PTPRZ1: variants seen among roughly 807,000 people sequenced by gnomAD.
The protein encoded by PTPRZ1 is protein tyrosine phosphatase receptor type Z1, also known as receptor-type tyrosine-protein phosphatase zeta.
Under a neutral mutation model 214.1 loss-of-function variants are expected in PTPRZ1, and 82 were observed. The observed-to-expected ratio is 0.38, with a 90% CI of 0.32 to 0.46. The LOEUF (loss-of-function observed/expected upper bound fraction) is 0.46, where lower values mean the gene tolerates loss of function less well. PTPRZ1 is among the 20% of genes least tolerant of loss of function. The probability of loss-of-function intolerance (pLI) is 1.00; values close to 1 mark genes in which losing one functional copy is unlikely to be tolerated. For synonymous variants in PTPRZ1, 945 were observed against 987.9 expected (o/e 0.96, Z 0.81); for missense variants, 2,603 against 2,748.7 (o/e 0.95, Z 1.19).
intron 2 of PTPRZ1, among the ~76,000 whole-genome samples, chr7:121,964,236 G>T (rs566191616): frequency 2.6e-5 from 4 of 152,222 alleles, no homozygotes; most frequent in African/African-American, 9.6e-5. Flanking sequence ...CTGCTATAAG[G>T]ACATACCTGA....
Position 121,928,179 on chromosome 7 carries a change from C to A in PTPRZ1, c.82C>A (p.Gln28Lys). Residue 28 changes from glutamine to lysine, a missense_variant, in exon 2 of 30, where the codon CAA becomes AAA. By Grantham distance (53) the Gln-to-Lys change is moderately conservative. Transcript: ENST00000393386. Reference protein sequence around the residue: ...RLDWANGYYRQQRKLVEEIGW... With the variant: ...RLDWANGYYRKQRKLVEEIGW... The stretch of plus-strand genomic sequence containing the variant: ...AGATTGGGCTAATGGATACTACAGA[C>A]AACAGAGAAAACTTGTTGAAGAGAT... 6.2e-7 allele frequency: 1 copy of A among 1,612,304 alleles called. No homozygotes were observed. Among genetic ancestry groups the A allele is most frequent in the Non-Finnish European group, 8.5e-7 (1 of 1,178,646 alleles).
At position 122,044,575 on chromosome 7, in the gene PTPRZ1, C is replaced by G; in HGVS notation, c.6084+7C>G. The G allele has an allele frequency of 6.2e-7, 1 of 1,612,590 alleles. No individual in the cohort carries two copies. The highest frequency in any genetic ancestry group is 8.5e-7 in the Non-Finnish European group (1 of 1,179,204). On this transcript the variant is annotated splice_region_variant and intron_variant, in intron 23 of 29. Transcript: ENST00000393386. ...GCTAGAGAAACAATTCCAGGTGAGT[C>G]CTCTTGGAAGCCTCTTGGATGTCAC...
chr7:121,991,408 A>C (rs754895893), intron 8 of PTPRZ1, among the ~76,000 whole-genome samples: 23 of 152,228 alleles, frequency 1.5e-4, no homozygotes, highest in Non-Finnish European at 2.9e-4. Context: ...ATTTAATACA[A>C]ACTTAAAAAA....
chr7:122,010,008 TA>T (rs1798598903), intron 11 of PTPRZ1, among the ~76,000 whole-genome samples: 1 of 152,138 alleles, frequency 6.6e-6, no homozygotes, highest in African/African-American at 2.4e-5. Context: ...AACAATAAAA[TA>T]AATGCCATGT....
intron 1 of PTPRZ1, among the ~76,000 whole-genome samples, chr7:121,924,351 C>T (rs932042570): frequency 3.3e-5 from 5 of 151,806 alleles, no homozygotes; most frequent in Non-Finnish European, 7.4e-5. Flanking sequence ...TTTTCTTGTT[C>T]ATTGGAGCTA....
chr7:121,988,218 G>A (rs994054494), intron 8 of PTPRZ1, among the ~76,000 whole-genome samples: 8 of 152,068 alleles, frequency 5.3e-5, no homozygotes, highest in East Asian at 1.9e-4. Flanking sequence ...GGGGCCCTTC[G>A]TTTGCCAAAA....
At chr7:121,984,564 G>A (rs1395632691) in intron 8 of PTPRZ1, among the ~76,000 whole-genome samples, 1 of 152,146 alleles carries the variant, frequency 6.6e-6, no homozygotes, top group Non-Finnish European at 1.5e-5. Context: ...TTTGAACTGA[G>A]TCTTGACACA....
chr7:122,005,665 CACAT>C (rs1181908310), intron 11 of PTPRZ1, among the ~76,000 whole-genome samples: 1 of 151,890 alleles, frequency 6.6e-6, no homozygotes, highest in Non-Finnish European at 1.5e-5. Flanking sequence ...TATATACACA[CACAT>C]ACAAGCGATC....
intron 2 of PTPRZ1, among the ~76,000 whole-genome samples, chr7:121,954,284 T>C (rs2116466136): frequency 6.6e-6 from 1 of 152,310 alleles, no homozygotes; most frequent in South Asian, 2.1e-4. Context: ...GGAAAAATTT[T>C]AAAGCCCTTG....
In PTPRZ1 at chr7:121,968,082, G is replaced by C. The variant is rs199906822; in HGVS notation, c.256G>C (p.Asp86His). 6.2e-7 allele frequency: 1 copy of C among 1,606,416 alleles called. No homozygotes were observed. The highest frequency in any genetic ancestry group is 2.2e-5 in the East Asian group (1 of 44,618). The change falls in exon 3 of 30, where the codon GAT becomes CAT. Residue 86 changes from aspartate to histidine, a missense_variant. This residue lies in a region of PTPRZ1 where 141 missense variants were observed against 143.7 expected (regional missense o/e 0.98). Coordinates refer to ENST00000393386, the MANE Select transcript of PTPRZ1 (RefSeq NM_002851.3). ...NLKKLKFQGW[D>H]KTSLENTFIH... ...TAAGAAACTTAAATTTCAGGGTTGG[G>C]ATAAAACATCATTGGAAAACACATT...
chr7:122,016,972 G>A (rs117079218), intron 12 of PTPRZ1, among the ~76,000 whole-genome samples: 2,282 of 152,152 alleles, frequency 0.015, 24 homozygotes, highest in Non-Finnish European at 0.024. Context: ...GATTTTGTAT[G>A]GTTTGAGCGA....
At chr7:121,978,081 G>A (rs1002983578) in intron 6 of PTPRZ1, among the ~76,000 whole-genome samples, 7 of 152,062 alleles carry the variant, frequency 4.6e-5, no homozygotes, top group Non-Finnish European at 8.8e-5. Flanking sequence ...ACTCATACGA[G>A]CTTGAGAATA....
intron 29 of PTPRZ1, among the ~76,000 whole-genome samples, 182 bp from the exon 30 acceptor site, chr7:122,060,898 C>A (rs1426302792): frequency 2.0e-5 from 3 of 152,106 alleles, no homozygotes; most frequent in Non-Finnish European, 4.4e-5. Flanking sequence ...CCGATTGCAA[C>A]GTTAATTTAA....
intron 9 of PTPRZ1, among the ~76,000 whole-genome samples, chr7:121,997,406 G>A (rs1471787452): frequency 6.6e-6 from 1 of 152,018 alleles, no homozygotes; most frequent in Non-Finnish European, 1.5e-5. Flanking sequence ...AATGACCTGG[G>A]AAAATCGTGA....
intron 1 of PTPRZ1, among the ~76,000 whole-genome samples, chr7:121,897,293 C>G (rs1171686330): frequency 6.6e-6 from 1 of 152,074 alleles, no homozygotes; most frequent in South Asian, 2.1e-4. Flanking sequence ...GGGCTTTACT[C>G]ATAATAATGG....
intron 1 of PTPRZ1, among the ~76,000 whole-genome samples, chr7:121,898,262 G>GT (rs5887058): frequency 0.55 from 82,641 of 149,722 alleles, 23,268 homozygotes; most frequent in South Asian, 0.7. Flanking sequence ...AATGTGATGG[G>GT]TTTTTTTTTT....
chr7:121,874,410 CT>C (rs1174548181), intron 1 of PTPRZ1, among the ~76,000 whole-genome samples: 1 of 152,076 alleles, frequency 6.6e-6, no homozygotes, highest in Non-Finnish European at 1.5e-5. Context: ...TAAAGAAATG[CT>C]TTTTTTCCTT....
Position 121,994,759 on chromosome 7 carries a change from G to A in PTPRZ1, c.929-1623G>A, listed in dbSNP as rs183437466. Among the ~76,000 whole-genome samples the A allele has an allele frequency of 3.9e-5, 6 of 152,274 alleles. 1 individual carries two copies. Among genetic ancestry groups the A allele is most frequent in the South Asian group, 4.1e-4 (2 of 4,828 alleles). On this transcript the variant is annotated intron_variant, in intron 8 of 29. Transcript: ENST00000393386. Reference sequence around the variant, plus strand: ...GTCTTCTGCCATCTGGTGGACATCAGTAGAAGTCTCACTCAGTAGAGTAAC... The same window carrying A: ...GTCTTCTGCCATCTGGTGGACATCAATAGAAGTCTCACTCAGTAGAGTAAC...
At chr7:122,042,587 A>G in intron 21 of PTPRZ1, 21 bp from the exon 22 acceptor site, 1 of 1,558,428 alleles carries the variant, frequency 6.4e-7, no homozygotes, top group Non-Finnish European at 8.7e-7. Context: ...TGAAATATTT[A>G]TTTCTTGGTC....
Sources: gnomAD v4.1 joint callset for allele counts (sites outside exome capture counted in the v4.1 genomes callset) on GRCh38, gnomAD v4.1.1 for gene constraint, gnomAD v4.1.1 regional missense constraint, MANE v1.5 for transcripts, NCBI Gene and HGNC (gene_info 2026-07-23, HGNC 2026-07-21) for gene names.